The following SPTBN4 variants were observed in gnomAD, a reference collection of about 807,000 sequenced individuals.
SPTBN4 encodes the protein spectrin beta chain, non-erythrocytic 4.
Under a neutral mutation model 277.8 loss-of-function variants are expected in SPTBN4, and 96 were observed. The ratio of observed to expected loss-of-function variants is 0.35; its 90% confidence interval spans 0.29 to 0.41. The LOEUF is 0.41. Among genes scored for constraint, SPTBN4 ranks in the 10% least tolerant of loss-of-function variants. The probability of loss-of-function intolerance (pLI) is 1.00; values close to 1 mark genes in which losing one functional copy is unlikely to be tolerated. For missense variants in SPTBN4, 3,006 were observed against 3,595.7 expected (o/e 0.84, Z 4.19); for synonymous variants, 1,481 against 1,580.3 (o/e 0.94, Z 1.49).
intron 6 of SPTBN4, among the ~76,000 whole-genome samples, chr19:40,495,953 G>T (rs1335982075): frequency 6.6e-6 from 1 of 152,022 alleles, no homozygotes; most frequent in Non-Finnish European, 1.5e-5. Context: ...ACACACACTC[G>T]TACACACATG....
chr19:40,519,783 G>A lies in SPTBN4; in HGVS notation c.3286G>A (p.Asp1096Asn), dbSNP rs2080503509. 3.5e-6 allele frequency: 5 copies of A among 1,429,862 alleles called. No individual in the cohort carries two copies. Among genetic ancestry groups the A allele is most frequent in the Non-Finnish European group, 4.5e-6 (5 of 1,105,680 alleles). 88.6% of individuals were successfully genotyped at this position (1,429,862 alleles called of 1,614,324 possible). ...AGGGCGCCTGCAGCGCTTCCTACAT[G>A]ACCTCGACGCTTTCCTGGACTGGCT... ...AAGRLQRFLH[D>N]LDAFLDWLVR... Residue 1096 changes from aspartate (D) to asparagine (N), a missense_variant, in exon 16 of 36, where the codon GAC (aspartate) becomes AAC (asparagine). By Grantham distance (23) the Asp-to-Asn change is conservative (BLOSUM62 1). Around this residue, in one of 5 missense-constraint regions of SPTBN4, gnomAD observed 1,759 missense variants for 2,061.5 expected, o/e 0.85. Transcript: ENST00000598249. The surrounding 1 kb of genome is among the most constrained non-coding windows in gnomAD (Gnocchi z 5.7).
chr19:40,530,015 C>T (rs944531975), intron 18 of SPTBN4, among the ~76,000 whole-genome samples: 7 of 152,150 alleles, frequency 4.6e-5, no homozygotes, highest in Admixed American at 4.6e-4. Context: ...GTGCCCCCCT[C>T]CCCCATAACT....
At chr19:40,529,445 T>C (rs556357665) in intron 18 of SPTBN4, among the ~76,000 whole-genome samples, 45 of 152,148 alleles carry the variant, frequency 3.0e-4, no homozygotes, top group Non-Finnish European at 4.1e-4. Context: ...AGAATCGCTC[T>C]ACCCCAGGAG....
chr19:40,487,098 G>A (rs1272041855), intron 2 of SPTBN4, among the ~76,000 whole-genome samples: 3 of 151,912 alleles, frequency 2.0e-5, no homozygotes, highest in South Asian at 2.1e-4. Flanking sequence ...GTGCAGTGGC[G>A]TGATCTCGGC....
At chr19:40,480,837 C>T (rs943322945) in intron 2 of SPTBN4, among the ~76,000 whole-genome samples, 124 of 152,064 alleles carry the variant, frequency 8.2e-4, no homozygotes, top group African/African-American at 2.7e-3. Context: ...CCAAGGCAGG[C>T]GGATTACTTG....
chr19:40,504,024 G>T lies in SPTBN4; in HGVS notation c.1557G>T (p.Leu519=). The change falls in exon 12 of 36, where the codon CTG becomes CTT. Residue 519 remains leucine, a synonymous_variant. Coordinates refer to ENST00000598249, the MANE Select transcript of SPTBN4 (RefSeq NM_020971.3). ...QRDSVLRQWA[L]LTGLVGARRT... ...ACAGCGTCCTGCGCCAGTGGGCCCTGCTAACTGGGCTTGTGGGTGCCCGGC... is the reference window on the plus strand; with the variant it reads ...ACAGCGTCCTGCGCCAGTGGGCCCTTCTAACTGGGCTTGTGGGTGCCCGGC... 1 of 1,613,970 alleles carries T rather than the reference G, an allele frequency of 6.2e-7. No homozygotes were observed. Among genetic ancestry groups the T allele is most frequent in the Non-Finnish European group, 8.5e-7 (1 of 1,179,994 alleles).
At chr19:40,549,024 T>G (rs567944691) in intron 20 of SPTBN4, among the ~76,000 whole-genome samples, 165 bp from the exon 21 acceptor site, 85 of 152,318 alleles carry the variant, frequency 5.6e-4, no homozygotes, top group African/African-American at 2.0e-3. Context: ...CTTAGTGTGA[T>G]GCAGGTTCAT....
intron 17 of SPTBN4, among the ~76,000 whole-genome samples, chr19:40,524,784 T>A (rs143801414): frequency 9.2e-5 from 14 of 152,338 alleles, no homozygotes; most frequent in Non-Finnish European, 2.1e-4. Flanking sequence ...TGAACCTCAT[T>A]GTTCTCTGCT....
intron 2 of SPTBN4, among the ~76,000 whole-genome samples, chr19:40,478,407 TG>T (rs984929658): frequency 2.2e-4 from 33 of 152,000 alleles, no homozygotes; most frequent in Admixed American, 5.9e-4. Flanking sequence ...CACAGTGGCA[TG>T]TGCCTATATT....
intron 20 of SPTBN4, among the ~76,000 whole-genome samples, chr19:40,541,427 A>C (rs1390771756): frequency 1.3e-5 from 2 of 152,162 alleles, no homozygotes; most frequent in Non-Finnish European, 2.9e-5. Flanking sequence ...GGGCACCCAG[A>C]CGGAGCCCAG....
intron 26 of SPTBN4, among the ~76,000 whole-genome samples, chr19:40,558,078 G>A (rs1315110128): frequency 2.0e-5 from 3 of 151,984 alleles, no homozygotes; most frequent in African/African-American, 7.3e-5. Flanking sequence ...CGACAGACAA[G>A]GCCAGGTGCG....
intron 17 of SPTBN4, among the ~76,000 whole-genome samples, chr19:40,527,572 G>A (rs1236307671): frequency 2.0e-5 from 3 of 152,210 alleles, no homozygotes; most frequent in Admixed American, 6.5e-5. Flanking sequence ...GGGACCTCAC[G>A]AAGAAGGTGA....
chr19:40,483,011 C>T (rs981121552), intron 2 of SPTBN4, among the ~76,000 whole-genome samples: 5 of 150,978 alleles, frequency 3.3e-5, no homozygotes. Context: ...TATATGTATA[C>T]ACACACACAC....
At chr19:40,514,950 G>T (rs1173137719) in intron 14 of SPTBN4, among the ~76,000 whole-genome samples, 1 of 151,774 alleles carries the variant, frequency 6.6e-6, no homozygotes, top group South Asian at 2.1e-4. Flanking sequence ...ACTAAAAATA[G>T]AAAAGTTAGC....
At position 40,568,243 on chromosome 19, in the gene SPTBN4, G is replaced by A; in HGVS notation, c.6917G>A (p.Ser2306Asn). Reference protein sequence around the residue: ...RERRLERQESSEQEMPIRGDL... With the variant: ...RERRLERQESNEQEMPIRGDL... ...CGGCGCTTGGAGCGGCAGGAGTCCA[G>A]CGAACAGGAGATGCCCATCAGAGGA... The change falls in exon 31 of 36, where the codon AGC becomes AAC. Residue 2306 changes from serine (S) to asparagine (N), a missense_variant. Coordinates refer to ENST00000598249, the MANE Select transcript of SPTBN4 (RefSeq NM_020971.3). 1 of 1,602,142 alleles carries A rather than the reference G, an allele frequency of 6.2e-7. No individual in the cohort carries two copies. Among genetic ancestry groups the A allele is most frequent in the Non-Finnish European group, 8.5e-7 (1 of 1,174,860 alleles).
chr19:40,567,820 C>A lies in SPTBN4; in HGVS notation c.6494C>A (p.Ser2165Ter). The change falls in exon 31 of 36, where the codon TCG becomes TAG. Residue 2165 changes from serine to a stop codon, truncating the protein, a stop_gained. Transcript: ENST00000598249. LOFTEE classifies it high-confidence loss of function. Reference sequence around the variant, plus strand: ...TTGGAGCCCCTGGCCCGCCGAGCCTCGGACACGCTCTCGGCCGAGGTGCGG... The same window carrying A: ...TTGGAGCCCCTGGCCCGCCGAGCCTAGGACACGCTCTCGGCCGAGGTGCGG... ...RGLEPLARRA[S>*]DTLSAEVRTR... The A allele has an allele frequency of 6.6e-7, 1 of 1,517,382 alleles. No homozygotes were observed. The highest frequency in any genetic ancestry group is 8.8e-7 in the Non-Finnish European group (1 of 1,130,770). 94.0% of individuals were successfully genotyped at this position (1,517,382 alleles called of 1,614,324 possible).
In SPTBN4 at chr19:40,575,653, C is replaced by T. The variant is rs1325404784; in HGVS notation, c.*84C>T. 3 of 1,465,654 alleles carry T rather than the reference C, an allele frequency of 2.0e-6. No homozygotes were observed. Among genetic ancestry groups the T allele is most frequent in the Non-Finnish European group, 2.7e-6 (3 of 1,104,652 alleles). The allele number at this position is 1,465,654 out of a possible 1,614,324, so 90.8% of individuals were successfully genotyped here. ...AAAGACACTTTTTCTTCCGCAGGGG[C>T]GGGAGCCCCTAGTTCCAACACTGAG... is the stretch of plus-strand genomic sequence containing the variant. On this transcript the variant is annotated 3_prime_UTR_variant, in exon 36 of 36. Transcript: ENST00000598249.
intron 33 of SPTBN4, 54 bp from the exon 34 acceptor site, chr19:40,571,965 A>T: frequency 2.0e-6 from 3 of 1,486,294 alleles, no homozygotes; most frequent in Non-Finnish European, 2.7e-6. Flanking sequence ...GTTAATGAAG[A>T]GTTATTAGGC....
Position 40,557,009 on chromosome 19 carries a change from C to T in SPTBN4, c.5290-14C>T. Reference sequence around the variant, plus strand: ...TCACTTTGCTGTACCCCCCCCCCCACTTCCTGATGGCAGGTGCTGCAGGAG... The same window carrying T: ...TCACTTTGCTGTACCCCCCCCCCCATTTCCTGATGGCAGGTGCTGCAGGAG... On this transcript the variant is annotated splice_polypyrimidine_tract_variant and intron_variant, in intron 25 of 35. Coordinates refer to ENST00000598249, the MANE Select transcript of SPTBN4 (RefSeq NM_020971.3). 1 of 1,462,652 alleles carries T rather than the reference C, an allele frequency of 6.8e-7. No individual in the cohort carries two copies. The highest frequency in any genetic ancestry group is 9.2e-7 in the Non-Finnish European group (1 of 1,090,738). The allele number at this position is 1,462,652 out of a possible 1,614,324, so 90.6% of individuals were successfully genotyped here.
Sources: gnomAD v4.1 joint callset for allele counts (sites outside exome capture counted in the v4.1 genomes callset) on GRCh38, gnomAD v4.1.1 for gene constraint, gnomAD v4.1.1 regional missense constraint, Gnocchi (gnomAD v3.1) non-coding constraint, MANE v1.5 for transcripts, NCBI Gene and HGNC (gene_info 2026-07-23, HGNC 2026-07-21) for gene names.